Variants in CADM2 observed in about 807,000 individuals in gnomAD.
CADM2 encodes the protein immunoglobulin superfamily member 4D.
In CADM2, 12 loss-of-function variants were observed where a neutral mutation model predicts 49.8. The ratio of observed to expected loss-of-function variants is 0.24; its 90% confidence interval spans 0.15 to 0.39. The LOEUF (loss-of-function observed/expected upper bound fraction) is 0.39, where lower values mean the gene tolerates loss of function less well. Among genes scored for constraint, CADM2 ranks in the 10% least tolerant of loss-of-function variants. The pLI, the probability that CADM2 is intolerant of heterozygous loss-of-function variation, is 1.00. For synonymous variants in CADM2, 214 were observed against 175.4 expected, an observed-to-expected ratio of 1.22 and a Z score of -1.74; for missense variants, 378 against 492.3, an observed-to-expected ratio of 0.77 and a Z score of 2.20.
At chr3:85,862,128 T>C (rs1169913434) in intron 3 of CADM2, among the ~76,000 whole-genome samples, 1 of 152,142 alleles carries the variant, frequency 6.6e-6, no homozygotes, top group African/African-American at 2.4e-5. Context: ...TTCTGTGTAT[T>C]TTATTCTCAA....
chr3:84,972,968 G>A (rs1203865237), intron 1 of CADM2, among the ~76,000 whole-genome samples: 1 of 152,102 alleles, frequency 6.6e-6, no homozygotes, highest in Non-Finnish European at 1.5e-5. Context: ...AGGCTAGAGT[G>A]CAGTGGCATG....
chr3:86,027,851 G>A (rs944041777), intron 8 of CADM2: 1 of 151,860 alleles, frequency 6.6e-6, no homozygotes, highest in African/African-American at 2.4e-5. Flanking sequence ...ATTGGACTGG[G>A]CTTTAGAAAT....
chr3:85,871,561 G>T (rs998445611), intron 3 of CADM2, among the ~76,000 whole-genome samples: 3 of 152,048 alleles, frequency 2.0e-5, no homozygotes, highest in Admixed American at 1.3e-4. Context: ...TGATGTTTAG[G>T]TTTCTCATCT....
chr3:85,803,776 T>C (rs1300858850), intron 3 of CADM2, among the ~76,000 whole-genome samples: 1 of 152,128 alleles, frequency 6.6e-6, no homozygotes, highest in African/African-American at 2.4e-5. Context: ...TAATCTGCTT[T>C]ACTCAAAGTC....
chr3:85,395,128 A>T (rs1040767539), intron 1 of CADM2, among the ~76,000 whole-genome samples: 1 of 151,808 alleles, frequency 6.6e-6, no homozygotes, highest in African/African-American at 2.4e-5. Context: ...CTAAAAAAAA[A>T]ATAAAGCAAT....
At chr3:85,909,028 G>A (rs765842866) in intron 5 of CADM2, among the ~76,000 whole-genome samples, 1 of 152,016 alleles carries the variant, frequency 6.6e-6, no homozygotes, top group African/African-American at 2.4e-5. Flanking sequence ...CCGGCCTACA[G>A]TTGTGATTTT....
At chr3:85,599,493 T>C (rs1011514648) in intron 1 of CADM2, among the ~76,000 whole-genome samples, 2 of 151,878 alleles carry the variant, frequency 1.3e-5, no homozygotes, top group Non-Finnish European at 2.9e-5. Flanking sequence ...CTGCATTCTT[T>C]CTGTCATTAA....
chr3:85,722,388 C>T (rs1366997772), intron 1 of CADM2, among the ~76,000 whole-genome samples: 4 of 152,134 alleles, frequency 2.6e-5, no homozygotes, highest in African/African-American at 9.6e-5. Flanking sequence ...AACTCTATTG[C>T]CTCCTCTTTT....
chr3:86,000,715 C>A (rs1414627405), intron 8 of CADM2, among the ~76,000 whole-genome samples: 1 of 151,806 alleles, frequency 6.6e-6, no homozygotes, highest in African/African-American at 2.4e-5. Context: ...GCTCAAAAAC[C>A]CTGAAAGAGC....
At chr3:85,030,413 G>A (rs777788481) in intron 1 of CADM2, among the ~76,000 whole-genome samples, 2 of 152,104 alleles carry the variant, frequency 1.3e-5, no homozygotes. Flanking sequence ...CAATGCCAAG[G>A]ACATACGACC....
At chr3:85,557,824 G>A (rs886090879) in intron 1 of CADM2, among the ~76,000 whole-genome samples, 8 of 151,942 alleles carry the variant, frequency 5.3e-5, no homozygotes, top group Non-Finnish European at 1.2e-4. Context: ...TGTGCCCTAT[G>A]TGCCATGTCC....
chr3:86,041,416 G>A (rs879683309), intron 8 of CADM2, among the ~76,000 whole-genome samples: 61 of 151,952 alleles, frequency 4.0e-4, no homozygotes, highest in Non-Finnish European at 7.1e-4. Flanking sequence ...AACAAAAAAA[G>A]GCAGGGGTTG....
intron 1 of CADM2, among the ~76,000 whole-genome samples, chr3:85,158,864 A>G (rs981716184): frequency 1.3e-5 from 2 of 152,026 alleles, no homozygotes; most frequent in African/African-American, 2.4e-5. Flanking sequence ...AATAAAATAA[A>G]AAAATAAAAA....
chr3:85,294,957 A>G (rs2043914878), intron 1 of CADM2, among the ~76,000 whole-genome samples: 1 of 152,220 alleles, frequency 6.6e-6, no homozygotes, highest in Admixed American at 6.5e-5. Context: ...AATTAAACTC[A>G]AGAGCTTCTG....
chr3:85,672,888 A>T (rs145804619), intron 1 of CADM2, among the ~76,000 whole-genome samples: 2 of 152,318 alleles, frequency 1.3e-5, no homozygotes, highest in East Asian at 3.9e-4. Flanking sequence ...GCAAGTAAGC[A>T]CTAATGGCAC....
At chr3:85,776,947 A>T (rs1173743967) in intron 2 of CADM2, among the ~76,000 whole-genome samples, 2 of 152,056 alleles carry the variant, frequency 1.3e-5, no homozygotes, top group Non-Finnish European at 2.9e-5. Flanking sequence ...ACTTAATTTG[A>T]TATGGTCTTT....
At chr3:85,308,743 C>T (rs895883481) in intron 1 of CADM2, among the ~76,000 whole-genome samples, 1 of 151,942 alleles carries the variant, frequency 6.6e-6, no homozygotes, top group African/African-American at 2.4e-5. Flanking sequence ...TAGTTCGTCT[C>T]CACTTACATG....
At chr3:85,162,342 C>T (rs891613272) in intron 1 of CADM2, among the ~76,000 whole-genome samples, 3 of 152,024 alleles carry the variant, frequency 2.0e-5, no homozygotes, top group East Asian at 1.9e-4. Context: ...ATTTATGTAG[C>T]GTGCTTACCA....
chr3:86,045,279 T>C (rs150267065), intron 8 of CADM2, among the ~76,000 whole-genome samples: 246 of 152,276 alleles, frequency 1.6e-3, no homozygotes, highest in African/African-American at 5.7e-3. Context: ...GGAACTGTCA[T>C]TGAGCTTCTG....
Sources: gnomAD v4.1 joint callset for allele counts (sites outside exome capture counted in the v4.1 genomes callset) on GRCh38, gnomAD v4.1.1 for gene constraint, MANE v1.5 for transcripts, NCBI Gene and HGNC (gene_info 2026-07-23, HGNC 2026-07-21) for gene names.